Variants in DYNC1I1 observed in about 807,000 individuals in gnomAD.
DYNC1I1 encodes the protein cytoplasmic dynein 1 intermediate chain 1.
A neutral mutation model predicts 86.6 loss-of-function variants in DYNC1I1; 43 were observed. The ratio of observed to expected loss-of-function variants is 0.50; its 90% CI spans 0.39 to 0.64. The LOEUF is 0.64. DYNC1I1 is among the 30% of genes least tolerant of loss of function. DYNC1I1 has a pLI of 0.00. For missense variants in DYNC1I1, 604 were observed against 788.8 expected (o/e 0.77, Z 2.81); for synonymous variants, 262 against 283.7 (o/e 0.92, Z 0.77).
At chr7:95,836,439 A>T (rs988385657) in intron 5 of DYNC1I1, among the ~76,000 whole-genome samples, 6 of 150,944 alleles carry the variant, frequency 4.0e-5, no homozygotes, top group African/African-American at 1.5e-4. Flanking sequence ...TCTGACAATT[A>T]TGTGTCTTGG....
intron 4 of DYNC1I1, among the ~76,000 whole-genome samples, chr7:95,818,147 C>T (rs955401263): frequency 4.6e-5 from 7 of 151,706 alleles, no homozygotes; most frequent in Non-Finnish European, 8.8e-5. Flanking sequence ...GGGGAGATTT[C>T]TGATGTTTGT....
intron 6 of DYNC1I1, among the ~76,000 whole-genome samples, chr7:95,943,671 C>A (rs2116455392): frequency 6.7e-6 from 1 of 149,760 alleles, no homozygotes; most frequent in South Asian, 2.2e-4. Flanking sequence ...GGCACCAAAA[C>A]AGAGATATAG....
At chr7:95,924,790 AT>A (rs1375293250) in intron 6 of DYNC1I1, among the ~76,000 whole-genome samples, 1 of 152,178 alleles carries the variant, frequency 6.6e-6, no homozygotes, top group East Asian at 1.9e-4. Context: ...TATCTGTCTG[AT>A]CCTGATTTGT....
chr7:96,090,921 C>T (rs901219514), intron 16 of DYNC1I1, among the ~76,000 whole-genome samples: 25 of 152,142 alleles, frequency 1.6e-4, no homozygotes, highest in Admixed American at 1.3e-4. Flanking sequence ...CCATTGTTAG[C>T]TGCGATGCTA....
At chr7:95,982,705 G>A (rs1164650762) in intron 7 of DYNC1I1, among the ~76,000 whole-genome samples, 1 of 152,040 alleles carries the variant, frequency 6.6e-6, no homozygotes, top group Non-Finnish European at 1.5e-5. Context: ...CAGTGACCAA[G>A]GCCAAGTGAG....
At chr7:95,901,169 C>A (rs995954680) in intron 6 of DYNC1I1, among the ~76,000 whole-genome samples, 1 of 152,136 alleles carries the variant, frequency 6.6e-6, no homozygotes, top group African/African-American at 2.4e-5. Context: ...TGATTTTAGG[C>A]CTAGATAACT....
chr7:95,897,436 A>G (rs528986176), intron 6 of DYNC1I1, among the ~76,000 whole-genome samples: 1 of 143,564 alleles, frequency 7.0e-6, no homozygotes, highest in South Asian at 2.2e-4. Flanking sequence ...CTTGTCCTCT[A>G]TTGACCATGA....
chr7:95,892,589 G>A (rs1242619893), intron 6 of DYNC1I1, among the ~76,000 whole-genome samples: 2 of 152,148 alleles, frequency 1.3e-5, no homozygotes, highest in African/African-American at 2.4e-5. Flanking sequence ...GGGATTACAG[G>A]TGTAAGCCAC....
intron 4 of DYNC1I1, chr7:95,818,534 G>A: frequency 1.7e-6 from 1 of 600,258 alleles, no homozygotes; most frequent in South Asian, 1.8e-5. Context: ...GGCTGGTCTT[G>A]AACTTCTGGC....
At chr7:96,063,264 T>G (rs1005570778) in intron 14 of DYNC1I1, among the ~76,000 whole-genome samples, 1 of 152,116 alleles carries the variant, frequency 6.6e-6, no homozygotes, top group African/African-American at 2.4e-5. Context: ...GCTCAGAAAT[T>G]GCCTTCTTTC....
At chr7:95,819,160 G>A (rs1174206126) in intron 4 of DYNC1I1, among the ~76,000 whole-genome samples, 1 of 152,136 alleles carries the variant, frequency 6.6e-6, no homozygotes, top group Non-Finnish European at 1.5e-5. Flanking sequence ...TCAGCTTCAT[G>A]TGAATTTCAG....
chr7:96,077,677 A>G (rs1002419223), intron 15 of DYNC1I1, among the ~76,000 whole-genome samples: 5 of 152,294 alleles, frequency 3.3e-5, no homozygotes, highest in Admixed American at 1.3e-4. Flanking sequence ...TGATTGACTT[A>G]GGAGACCGCT....
At chr7:96,107,216 G>T (rs1433892195) in intron 16 of DYNC1I1, among the ~76,000 whole-genome samples, 1 of 151,886 alleles carries the variant, frequency 6.6e-6, no homozygotes, top group African/African-American at 2.4e-5. Flanking sequence ...TTTTAGTAGA[G>T]ACAGGGTTTC....
At chr7:96,075,964 C>T in intron 14 of DYNC1I1, 93 bp from the exon 15 acceptor site, 1 of 1,516,206 alleles carries the variant, frequency 6.6e-7, no homozygotes, top group East Asian at 2.3e-5. Flanking sequence ...TTTTATGACA[C>T]TTTGTGAATG....
At chr7:95,803,497 T>C (rs1794631016) in intron 1 of DYNC1I1, among the ~76,000 whole-genome samples, 1 of 152,216 alleles carries the variant, frequency 6.6e-6, no homozygotes, top group Admixed American at 6.5e-5. Context: ...AGCAGAAATG[T>C]GTATAGTAGA....
Position 95,977,485 on chromosome 7 carries a change from T to G in DYNC1I1, c.491-27T>G, listed in dbSNP as rs200097900. The G allele has an allele frequency of 1.6e-5, 25 of 1,601,580 alleles. 1 individual carries two copies. In the Admixed American group the frequency reaches 4.2e-4, roughly 27 times the overall value. On this transcript the variant is annotated intron_variant, in intron 6 of 16. Transcript: ENST00000447467. The stretch of plus-strand genomic sequence containing the variant: ...ACTTTGATTTGGAGGAAAGAAAATA[T>G]TGTATTTTTCTCTTTCTTTTTTCTA...
At chr7:95,912,213 T>C (rs967418283) in intron 6 of DYNC1I1, among the ~76,000 whole-genome samples, 2 of 152,108 alleles carry the variant, frequency 1.3e-5, no homozygotes, top group African/African-American at 4.8e-5. Flanking sequence ...ATTTTTGTAT[T>C]ATTAGTAGAG....
At chr7:96,019,122 C>T (rs188894318) in intron 10 of DYNC1I1, among the ~76,000 whole-genome samples, 121 of 152,180 alleles carry the variant, frequency 8.0e-4, no homozygotes, top group African/African-American at 2.9e-3. Flanking sequence ...GATATGTATA[C>T]ATTGTGGAAG....
At chr7:95,934,924 TTTTTTG>T (rs530147647) in intron 6 of DYNC1I1, among the ~76,000 whole-genome samples, 206 of 152,016 alleles carry the variant, frequency 1.4e-3, no homozygotes, top group Middle Eastern at 6.8e-3. Context: ...TTCTTCGTTT[TTTTTTG>T]TTTTTGTTTT....
Sources: allele counts gnomAD v4.1 joint callset (sites outside exome capture counted in the v4.1 genomes callset), GRCh38; gene constraint gnomAD v4.1.1; transcripts MANE v1.5; gene names NCBI Gene and HGNC (gene_info 2026-07-23, HGNC 2026-07-21).